CDHR3: variants seen among roughly 807,000 people sequenced by gnomAD.
The protein encoded by CDHR3 is cadherin-related family member 3.
In CDHR3, 79 loss-of-function variants were observed where a neutral mutation model predicts 86.6. The observed-to-expected ratio is 0.91, with a 90% CI of 0.76 to 1.10. The LOEUF is 1.10. CDHR3 is among the 50% of genes least tolerant of loss of function. CDHR3 has a pLI of 0.00. For missense variants in CDHR3, 1,081 were observed against 1,077.6 expected (o/e 1.00, Z -0.04); for synonymous variants, 421 against 402.4 (o/e 1.05, Z -0.55).
chr7:106,019,173 A>C (rs1585805424), intron 12 of CDHR3, among the ~76,000 whole-genome samples: 1 of 152,202 alleles, frequency 6.6e-6, no homozygotes, highest in East Asian at 1.9e-4. Context: ...TTCAACTTTG[A>C]TCCCAATTTT....
chr7:105,978,740 A>G (rs1829196756), intron 2 of CDHR3, among the ~76,000 whole-genome samples: 1 of 152,168 alleles, frequency 6.6e-6, no homozygotes, highest in South Asian at 2.1e-4. Flanking sequence ...CAGTTTTTCC[A>G]TTTGTGTTGA....
intron 2 of CDHR3, among the ~76,000 whole-genome samples, chr7:105,979,526 C>T (rs954206065): frequency 1.3e-5 from 2 of 152,222 alleles, no homozygotes; most frequent in Non-Finnish European, 2.9e-5. Flanking sequence ...AAACACAGCT[C>T]ACAGTGAAGT....
chr7:106,028,540 G>A lies in CDHR3; in HGVS notation c.2273-11G>A. The A allele has an allele frequency of 6.2e-7, 1 of 1,613,932 alleles. No homozygotes were observed. The highest frequency in any genetic ancestry group is 8.5e-7 in the Non-Finnish European group (1 of 1,179,844). ...AAGAAGCTTAACTTCTGCCTGTTCT[G>A]TTCTCTGCAGAAACGAAGACTGCAG... On this transcript the variant is annotated splice_polypyrimidine_tract_variant and intron_variant, in intron 16 of 18. Coordinates refer to ENST00000317716, the MANE Select transcript of CDHR3 (RefSeq NM_152750.5).
chr7:106,026,767 A>G (rs2115906711), intron 16 of CDHR3, 72 bp downstream of exon 16: 1 of 1,513,396 alleles, frequency 6.6e-7, no homozygotes, highest in African/African-American at 1.4e-5. Context: ...AAAGGTTCCT[A>G]CTCGGCAAAG....
chr7:105,978,626 C>T (rs1829183098), intron 2 of CDHR3, among the ~76,000 whole-genome samples: 1 of 152,050 alleles, frequency 6.6e-6, no homozygotes, highest in Non-Finnish European at 1.5e-5. Flanking sequence ...GAAGTTTTAC[C>T]AACCTATGGT....
Position 106,022,369 on chromosome 7 carries a change from C to G in CDHR3, c.1997C>G (p.Ala666Gly). 6.2e-7 allele frequency: 1 copy of G among 1,614,034 alleles called. No homozygotes were observed. The highest frequency in any genetic ancestry group is 8.5e-7 in the Non-Finnish European group (1 of 1,179,906). ...ATGTCTGACAGGAAGAAAGCGGAGG[C>G]TCTTGTTGAGACAGGAACAGTGACA... ...NLMSDRKKAE[A>G]LVETGTVTLS... The change falls in exon 14 of 19, where the codon GCT becomes GGT. Residue 666 changes from alanine (A) to glycine (G), a missense_variant. By Grantham distance (60) the Ala-to-Gly change is moderately conservative (BLOSUM62 0). Coordinates refer to ENST00000317716, the MANE Select transcript of CDHR3 (RefSeq NM_152750.5).
chr7:106,028,417 A>G, intron 16 of CDHR3, 134 bp from the exon 17 acceptor site: 1 of 968,822 alleles, frequency 1.0e-6, no homozygotes, highest in East Asian at 2.6e-5. Flanking sequence ...ATATCTATAG[A>G]CAGAACAATT....
At chr7:105,976,196 C>T (rs1251658978) in intron 2 of CDHR3, among the ~76,000 whole-genome samples, 5 of 152,162 alleles carry the variant, frequency 3.3e-5, no homozygotes, top group African/African-American at 1.2e-4. Context: ...TTCCTGTAAG[C>T]CTTGTCAATT....
intron 2 of CDHR3, among the ~76,000 whole-genome samples, chr7:105,978,199 G>T (rs557379199): frequency 1.2e-4 from 18 of 152,284 alleles, no homozygotes; most frequent in Non-Finnish European, 2.4e-4. Flanking sequence ...CAGCAAGAGG[G>T]ATGTCCTCAT....
At chr7:105,991,480 T>A (rs551284525) in intron 4 of CDHR3, among the ~76,000 whole-genome samples, 1 of 152,330 alleles carries the variant, frequency 6.6e-6, no homozygotes, top group East Asian at 1.9e-4. Flanking sequence ...GTTCTCCACA[T>A]CCTTTTTATC....
chr7:105,989,078 C>T (rs1484158576), intron 4 of CDHR3, among the ~76,000 whole-genome samples: 1 of 152,140 alleles, frequency 6.6e-6, no homozygotes, highest in Non-Finnish European at 1.5e-5. Flanking sequence ...TTCCTGGGCA[C>T]CTTCTGTGTT....
chr7:106,031,091 G>A (rs866681296), intron 18 of CDHR3, among the ~76,000 whole-genome samples: 4 of 152,174 alleles, frequency 2.6e-5, no homozygotes, highest in Admixed American at 6.5e-5. Context: ...AAAGGCTCAC[G>A]TTCAAGGGCC....
intron 2 of CDHR3, among the ~76,000 whole-genome samples, chr7:105,979,199 G>A (rs1236302637): frequency 6.6e-6 from 1 of 152,152 alleles, no homozygotes; most frequent in African/African-American, 2.4e-5. Flanking sequence ...GGCACAGGAA[G>A]GTTAAGCAAT....
At position 106,006,106 on chromosome 7, in the gene CDHR3, T is replaced by C. The variant is rs577756383; in HGVS notation, c.1052+1419T>C. 3.9e-5 allele frequency among the ~76,000 whole-genome samples: 6 copies of C among 152,260 alleles called. No individual in the cohort carries two copies. In the South Asian group the frequency reaches 1.2e-3, roughly 32 times the overall value. On this transcript the variant is annotated intron_variant, in intron 8 of 18. Transcript: ENST00000317716. ...ATGGCAGCAGGCAAAGAGATAGAGC[T>C]TGTGTAGGGAAACTCCTCCTTATAA...
intron 1 of CDHR3, among the ~76,000 whole-genome samples, chr7:105,966,748 T>C (rs1296178037): frequency 6.6e-6 from 1 of 152,140 alleles, no homozygotes; most frequent in Admixed American, 6.5e-5. Context: ...TCACCCCCAG[T>C]GCAAGCAGTC....
chr7:106,012,999 T>C lies in CDHR3; in HGVS notation c.1192T>C (p.Leu398=). ...TGGAGTGGGGAGCGGCAGCAGATTT[T>C]TACAGGATCCAGCTGGCTCTGGGAA... ...PSGVGSGSRF[L]QDPAGSGKIV... is the part of the protein sequence containing the mutation. Residue 398 remains leucine, a synonymous_variant, in exon 9 of 19, where the codon TTA becomes CTA. Transcript: ENST00000317716. 6.2e-7 allele frequency: 1 copy of C among 1,611,588 alleles called. No homozygotes were observed. The highest frequency in any genetic ancestry group is 8.5e-7 in the Non-Finnish European group (1 of 1,178,896).
In CDHR3 at chr7:106,012,892, C is replaced by T. The variant is rs377545063; in HGVS notation, c.1085C>T (p.Thr362Met). The change falls in exon 9 of 19, where the codon ACG becomes ATG. Residue 362 changes from threonine (T) to methionine (M), a missense_variant. Coordinates refer to ENST00000317716, the MANE Select transcript of CDHR3 (RefSeq NM_152750.5). ...GTGCCGGAAAGAACAGCCAAGGGGA[C>T]GTTGCTTCTTGACCTAAACAAGTTC... ...IMVPERTAKGTLLLDLNKFCF... is the reference protein window; with the variant it reads ...IMVPERTAKGMLLLDLNKFCF... 17 of 1,610,736 alleles carry T rather than the reference C, an allele frequency of 1.1e-5. No homozygotes were observed. Among genetic ancestry groups the T allele is most frequent in the African/African-American group, 5.4e-5 (4 of 74,758 alleles).
chr7:106,015,731 T>C (rs569904559), intron 10 of CDHR3, 196 bp from the exon 11 acceptor site: 1 of 618,402 alleles, frequency 1.6e-6, no homozygotes, highest in Non-Finnish European at 3.0e-6. Context: ...CTCTGGGTTC[T>C]GTAGTGCTCT....
chr7:105,975,513 A>T (rs1828669922), intron 2 of CDHR3, among the ~76,000 whole-genome samples: 1 of 152,214 alleles, frequency 6.6e-6, no homozygotes, highest in Non-Finnish European at 1.5e-5. Flanking sequence ...TTTAACAAAA[A>T]TATAAGTCTA....
Sources: gnomAD v4.1 joint callset for allele counts (sites outside exome capture counted in the v4.1 genomes callset) on GRCh38, gnomAD v4.1.1 for gene constraint, MANE v1.5 for transcripts, NCBI Gene and HGNC (gene_info 2026-07-23, HGNC 2026-07-21) for gene names.